The following NBAS variants were observed in gnomAD, a reference collection of about 807,000 sequenced individuals.
NBAS encodes NBAS subunit of NRZ tethering complex, also known as NAG/BC035112 fusion.
Under a neutral mutation model 302.5 loss-of-function variants are expected in NBAS, and 219 were observed. That is an observed-to-expected ratio of 0.72 (90% CI 0.65 to 0.81). The LOEUF is 0.81. Ranked by LOEUF, NBAS falls within the 30% of genes least tolerant of loss-of-function variation. The pLI, the probability that NBAS is intolerant of heterozygous loss-of-function variation, is 0.00. For missense variants in NBAS, 2,932 were observed against 2,841.6 expected (o/e 1.03, Z -0.72); for synonymous variants, 1,118 against 1,021.6 (o/e 1.09, Z -1.80).
In NBAS at chr2:15,181,906, C is replaced by T. The variant is rs1275546612; in HGVS notation, c.6712-2790G>A. On this transcript the variant is annotated intron_variant, in intron 50 of 51. Coordinates refer to ENST00000281513, the MANE Select transcript of NBAS (RefSeq NM_015909.4). Reference sequence around the variant, plus strand: ...ATGCAGGGATTGGTGATGCAGAGACCGAGGGGCTTATCACATGCCCCAGGC... The same window carrying T: ...ATGCAGGGATTGGTGATGCAGAGACTGAGGGGCTTATCACATGCCCCAGGC... Among the ~76,000 whole-genome samples the T allele has an allele frequency of 2.0e-5, 3 of 152,172 alleles. No homozygotes were observed. In the East Asian group the frequency reaches 5.8e-4, roughly 29 times the overall value.
the NBAS span, among the ~76,000 whole-genome samples, chr2:15,092,701 C>T: frequency 0.84 from 127,316 of 152,224 alleles, 53,982 homozygotes; most frequent in South Asian, 0.93. Context: ...GTCCAATTCA[C>T]GGATAATTAG....
chr2:14,944,023 G>C, the NBAS span, among the ~76,000 whole-genome samples: 1 of 152,158 alleles, frequency 6.6e-6, no homozygotes, highest in African/African-American at 2.4e-5. Context: ...ATCCCTGCCA[G>C]GTGCGGTGGC....
chr2:14,969,915 G>T, the NBAS span, among the ~76,000 whole-genome samples: 1 of 152,096 alleles, frequency 6.6e-6, no homozygotes, highest in African/African-American at 2.4e-5. Flanking sequence ...CATCAGAAGG[G>T]CTCCAAATGC....
the NBAS span, among the ~76,000 whole-genome samples, chr2:14,922,764 T>A: frequency 1.3e-5 from 2 of 152,194 alleles, no homozygotes; most frequent in Non-Finnish European, 2.9e-5. Flanking sequence ...AGAAAGACAG[T>A]TCGCAAAAAT....
intron 38 of NBAS, among the ~76,000 whole-genome samples, chr2:15,312,829 T>A (rs1252679570): frequency 6.6e-6 from 1 of 152,236 alleles, no homozygotes; most frequent in Non-Finnish European, 1.5e-5. Context: ...ACTTGGTTCC[T>A]CGTCAAATCC....
intron 28 of NBAS, among the ~76,000 whole-genome samples, chr2:15,389,581 T>G (rs6749663): frequency 0.6 from 90,452 of 152,016 alleles, 28,037 homozygotes; most frequent in Non-Finnish European, 0.68. Context: ...TTACAGGAAT[T>G]TAGAAGACAT....
intron 48 of NBAS, among the ~76,000 whole-genome samples, chr2:15,211,556 C>T (rs1190619195): frequency 6.6e-6 from 1 of 152,214 alleles, no homozygotes; most frequent in Non-Finnish European, 1.5e-5. Context: ...CATTCACATA[C>T]TTTTATTTTT....
chr2:15,165,377 G>C (rs547879713), downstream of NBAS, among the ~76,000 whole-genome samples: 3 of 152,336 alleles, frequency 2.0e-5, no homozygotes, highest in East Asian at 5.8e-4. Flanking sequence ...AAGTATGCTA[G>C]AGGCTTGTGC....
intron 50 of NBAS, among the ~76,000 whole-genome samples, chr2:15,180,688 C>T (rs536744577): frequency 2.6e-5 from 4 of 152,294 alleles, no homozygotes; most frequent in African/African-American, 7.2e-5. Flanking sequence ...TGCCCAATAC[C>T]GCAGCCACAA....
the NBAS span, among the ~76,000 whole-genome samples, chr2:14,841,242 C>T: frequency 6.6e-6 from 1 of 151,592 alleles, no homozygotes; most frequent in Non-Finnish European, 1.5e-5. Flanking sequence ...GAGAAAATCA[C>T]TTAATCACAA....
the NBAS span, among the ~76,000 whole-genome samples, chr2:15,096,704 T>C: frequency 2.0e-5 from 3 of 152,168 alleles, no homozygotes; most frequent in Non-Finnish European, 4.4e-5. Context: ...AGATGGAAGA[T>C]GCAAAGGGGC....
intron 45 of NBAS, among the ~76,000 whole-genome samples, chr2:15,237,988 A>G (rs9678752): frequency 0.57 from 87,103 of 151,672 alleles, 27,706 homozygotes; most frequent in African/African-American, 0.83. Context: ...TGTTGGTCAG[A>G]CTGGTCTCGA....
chr2:15,255,682 T>C (rs1331097125), intron 44 of NBAS, among the ~76,000 whole-genome samples: 1 of 152,186 alleles, frequency 6.6e-6, no homozygotes, highest in African/African-American at 2.4e-5. Context: ...ATGCTTCAGG[T>C]GTTAGATTTA....
chr2:15,206,396 T>G (rs992357398), intron 48 of NBAS, among the ~76,000 whole-genome samples: 2 of 152,026 alleles, frequency 1.3e-5, no homozygotes, highest in African/African-American at 4.8e-5. Flanking sequence ...GCACAAAAGT[T>G]TGGAAAATTT....
chr2:15,133,497 T>C, the NBAS span, among the ~76,000 whole-genome samples: 2 of 152,180 alleles, frequency 1.3e-5, no homozygotes, highest in Non-Finnish European at 2.9e-5. Flanking sequence ...GTCTAAGAAA[T>C]TCAGCAATCT....
At chr2:15,553,958 TA>T in intron 4 of NBAS, 102 bp downstream of exon 4, 1 of 928,788 alleles carries the variant, frequency 1.1e-6, no homozygotes, top group African/African-American at 1.7e-5. Flanking sequence ...TTACACACAA[TA>T]AAAATCAAGA....
At chr2:15,213,626 GT>G (rs1666522676) in intron 48 of NBAS, among the ~76,000 whole-genome samples, 1 of 152,190 alleles carries the variant, frequency 6.6e-6, no homozygotes, top group Non-Finnish European at 1.5e-5. Context: ...TGAGTTCCAT[GT>G]ATCACCTTAA....
the NBAS span, among the ~76,000 whole-genome samples, chr2:14,828,942 T>C: frequency 4.5e-4 from 69 of 152,272 alleles, no homozygotes; most frequent in African/African-American, 1.6e-3. Flanking sequence ...CTTTGGATGA[T>C]AGAAACAGAT....
intron 48 of NBAS, among the ~76,000 whole-genome samples, chr2:15,205,173 A>G (rs1666081707): frequency 6.6e-6 from 1 of 152,148 alleles, no homozygotes; most frequent in African/African-American, 2.4e-5. Context: ...AACAATGTTA[A>G]CATTATAAGC....
Sources: allele counts gnomAD v4.1 joint callset (sites outside exome capture counted in the v4.1 genomes callset), GRCh38; gene constraint gnomAD v4.1.1; transcripts MANE v1.5; gene names NCBI Gene and HGNC (gene_info 2026-07-23, HGNC 2026-07-21).